Variants in PTPRN2 observed in about 807,000 individuals in gnomAD.
PTPRN2 encodes the protein receptor-type tyrosine-protein phosphatase N2.
Under a neutral mutation model 118.8 loss-of-function variants are expected in PTPRN2, and 74 were observed. The ratio of observed to expected loss-of-function variants is 0.62; its 90% CI spans 0.52 to 0.76. The LOEUF is 0.76. PTPRN2 is among the 30% of genes least tolerant of loss of function. The pLI is 0.00. For missense variants in PTPRN2, 1,481 were observed against 1,394.4 expected (o/e 1.06, Z -0.99); for synonymous variants, 641 against 608.0 (o/e 1.05, Z -0.80).
intron 1 of PTPRN2, among the ~76,000 whole-genome samples, chr7:158,584,355 C>T (rs1828805584): frequency 6.6e-6 from 1 of 152,166 alleles, no homozygotes; most frequent in Non-Finnish European, 1.5e-5. Flanking sequence ...AAGGAAAAAG[C>T]ACTGAGACCT....
intron 21 of PTPRN2, among the ~76,000 whole-genome samples, chr7:157,554,017 C>T (rs370058398): frequency 8.0e-6 from 1 of 125,098 alleles, no homozygotes; most frequent in African/African-American, 3.0e-5. Flanking sequence ...GGCATGGGTG[C>T]GGCCAGGCCG....
At chr7:157,657,054 CCACACACACCACA>C (rs1563311807) in intron 13 of PTPRN2, among the ~76,000 whole-genome samples, 4 of 130,050 alleles carry the variant, frequency 3.1e-5, no homozygotes, top group African/African-American at 1.2e-4. Context: ...CACACATACA[CCACACACACCACA>C]CACGTCACAC....
At chr7:157,682,238 C>T (rs1473019218) in intron 13 of PTPRN2, among the ~76,000 whole-genome samples, 1 of 152,132 alleles carries the variant, frequency 6.6e-6, no homozygotes, top group Non-Finnish European at 1.5e-5. Flanking sequence ...GCGTGTGGGT[C>T]ACCTTCCCCT....
intron 11 of PTPRN2, among the ~76,000 whole-genome samples, chr7:158,062,117 G>A (rs1011250901): frequency 2.6e-5 from 4 of 152,234 alleles, no homozygotes; most frequent in Non-Finnish European, 5.9e-5. Flanking sequence ...AGCGACGGGC[G>A]ACGGCCATGG....
rs947926202 is a variant in PTPRN2 at position 158,138,257 on chromosome 7, C to T, written c.1132+37G>A. ...GCCCTGAGGCCTCCCCTCCCCGCAGCACCCCTGGGTGTGGGCACCCATGGC... is the reference window on the plus strand; with the variant it reads ...GCCCTGAGGCCTCCCCTCCCCGCAGTACCCCTGGGTGTGGGCACCCATGGC... On this transcript the variant is annotated intron_variant, in intron 7 of 22. Coordinates refer to ENST00000389418, the MANE Select transcript of PTPRN2 (RefSeq NM_002847.5). 9 of 1,593,292 alleles carry T rather than the reference C, an allele frequency of 5.6e-6. No individual in the cohort carries two copies. The African/African-American group carries it at 1.1e-4, about 19-fold the overall frequency.
At chr7:158,123,160 A>T (rs1266091824) in intron 9 of PTPRN2, among the ~76,000 whole-genome samples, 1 of 152,250 alleles carries the variant, frequency 6.6e-6, no homozygotes, top group Non-Finnish European at 1.5e-5. Context: ...GTTTCTTGGG[A>T]TCAACCAATT....
intron 3 of PTPRN2, among the ~76,000 whole-genome samples, chr7:158,253,826 G>A (rs1414537281): frequency 3.3e-5 from 5 of 152,210 alleles, no homozygotes; most frequent in Admixed American, 1.3e-4. Context: ...AGATTCTCGA[G>A]CCGCTGGCAT....
At chr7:157,873,891 A>G (rs1424472618) in intron 12 of PTPRN2, among the ~76,000 whole-genome samples, 1 of 151,940 alleles carries the variant, frequency 6.6e-6, no homozygotes, top group African/African-American at 2.4e-5. Context: ...TGGGCACAAG[A>G]GGGGCTTCAG....
chr7:157,576,886 C>T, intron 18 of PTPRN2, 107 bp from the exon 19 acceptor site: 5 of 1,166,324 alleles, frequency 4.3e-6, no homozygotes, highest in Non-Finnish European at 4.7e-6. Flanking sequence ...GAAGGGGGCG[C>T]TGCGAAGAGG....
chr7:158,167,290 C>A lies in PTPRN2; in HGVS notation c.551G>T (p.Gly184Val). Reference protein sequence around the residue: ...HTAQDRPPAEGDDRFSESILT... With the variant: ...HTAQDRPPAEVDDRFSESILT... ...GATGCTCTCGGAGAAGCGGTCATCA[C>A]CCTGAAGGAAAGGAGAGCAAAACAG... is the stretch of plus-strand genomic sequence containing the variant. The change falls in exon 6 of 23, where the codon GGT (glycine) becomes GTT (valine). Residue 184 changes from glycine (G) to valine (V), a missense_variant and splice_region_variant. By Grantham distance (109) the Gly-to-Val change is moderately radical (BLOSUM62 -3). Around this residue, in one of 3 missense-constraint regions of PTPRN2, gnomAD observed 1,115 missense variants for 994.2 expected, o/e 1.12. Coordinates refer to ENST00000389418, the MANE Select transcript of PTPRN2 (RefSeq NM_002847.5). 6.3e-7 allele frequency: 1 copy of A among 1,590,746 alleles called. No homozygotes were observed. The highest frequency in any genetic ancestry group is 8.6e-7 in the Non-Finnish European group (1 of 1,168,002).
intron 2 of PTPRN2, among the ~76,000 whole-genome samples, chr7:158,433,546 C>T (rs1481425396): frequency 6.6e-6 from 1 of 152,158 alleles, no homozygotes; most frequent in East Asian, 1.9e-4. Flanking sequence ...GGATTGATAG[C>T]GATGTCCACT....
intron 11 of PTPRN2, among the ~76,000 whole-genome samples, chr7:158,078,278 C>T (rs568196820): frequency 6.6e-6 from 1 of 152,340 alleles, no homozygotes; most frequent in South Asian, 2.1e-4. Flanking sequence ...GCCTCAGGTC[C>T]TCAGGCCCTT....
intron 6 of PTPRN2, among the ~76,000 whole-genome samples, chr7:158,165,850 C>A (rs1822919687): frequency 6.6e-6 from 1 of 152,130 alleles, no homozygotes; most frequent in Non-Finnish European, 1.5e-5. Context: ...CCTGACGTGG[C>A]TTAACTCAGG....
chr7:157,891,940 C>T (rs991371991), intron 12 of PTPRN2, among the ~76,000 whole-genome samples: 1 of 152,232 alleles, frequency 6.6e-6, no homozygotes, highest in Admixed American at 6.5e-5. Flanking sequence ...AGCAGCTCTT[C>T]CCCTCAGCTT....
intron 9 of PTPRN2, among the ~76,000 whole-genome samples, chr7:158,111,125 G>C (rs771167648): frequency 1.3e-5 from 2 of 152,192 alleles, no homozygotes. Flanking sequence ...TGTGGGAATC[G>C]CAAGTGGCCC....
chr7:158,180,155 C>T (rs531854395), intron 5 of PTPRN2, among the ~76,000 whole-genome samples: 2 of 152,332 alleles, frequency 1.3e-5, no homozygotes, highest in East Asian at 3.9e-4. Context: ...GGCTCCTTAC[C>T]CTGCATCAAT....
At chr7:158,290,311 G>C (rs2151020037) in intron 3 of PTPRN2, among the ~76,000 whole-genome samples, 2 of 152,294 alleles carry the variant, frequency 1.3e-5, no homozygotes, top group Middle Eastern at 3.4e-3. Context: ...AGGTCAGTGA[G>C]GGCTGGTTCA....
At chr7:157,769,149 T>G (rs1376264921) in intron 12 of PTPRN2, among the ~76,000 whole-genome samples, 1 of 152,198 alleles carries the variant, frequency 6.6e-6, no homozygotes, top group African/African-American at 2.4e-5. Context: ...GCCAGCCCAG[T>G]GTCCACCGAG....
intron 2 of PTPRN2, among the ~76,000 whole-genome samples, chr7:158,320,130 CACACACACAGCCTCCCTTGT>C (rs1563134020): frequency 4.1e-5 from 2 of 48,556 alleles, no homozygotes; most frequent in East Asian, 6.4e-4. Context: ...CAGCCTCCCT[CACACACACAGCCTCCCTTGT>C]ACACACACAG....
Sources: gnomAD v4.1 joint callset for allele counts (sites outside exome capture counted in the v4.1 genomes callset) on GRCh38, gnomAD v4.1.1 for gene constraint, gnomAD v4.1.1 regional missense constraint, MANE v1.5 for transcripts, NCBI Gene and HGNC (gene_info 2026-07-23, HGNC 2026-07-21) for gene names.